Variants in TMEM215 observed in about 807,000 individuals in gnomAD.
TMEM215 encodes transmembrane protein 215.
Under a neutral mutation model 14.7 loss-of-function variants are expected in TMEM215, and 12 were observed. The observed-to-expected ratio is 0.82, with a 90% confidence interval of 0.52 to 1.33. TMEM215 has a LOEUF of 1.33. Ranked by LOEUF, TMEM215 falls within the 40% of genes most tolerant of loss-of-function variation. The probability of loss-of-function intolerance (pLI) is 0.00; values close to 1 mark genes in which losing one functional copy is unlikely to be tolerated. For synonymous variants in TMEM215, 122 were observed against 124.8 expected (o/e 0.98, Z 0.15); for missense variants, 276 against 296.2 (o/e 0.93, Z 0.50).
chr9:32,784,881 C>A lies in TMEM215; in HGVS notation c.698C>A (p.Thr233Asn), dbSNP rs1300522134. 15 of 1,611,196 alleles carry A rather than the reference C, an allele frequency of 9.3e-6. No homozygotes were observed. The highest frequency in any genetic ancestry group is 1.3e-5 in the Non-Finnish European group (15 of 1,178,842). The change falls in exon 2 of 2, where the codon ACC (threonine) becomes AAC (asparagine). Residue 233 changes from threonine (T) to asparagine (N), a missense_variant. Coordinates refer to ENST00000342743, the MANE Select transcript of TMEM215 (RefSeq NM_212558.3). ...NQIQGRWDHE[T>N]IV Reference sequence around the variant, plus strand: ...ATACAAGGCAGGTGGGACCACGAGACCATCGTCTAATCTCTGCCTACAAAG... The same window carrying A: ...ATACAAGGCAGGTGGGACCACGAGAACATCGTCTAATCTCTGCCTACAAAG...
In TMEM215 at chr9:32,785,268, C is replaced by T. The variant is rs1824495125; in HGVS notation, c.*377C>T. 5.2e-6 allele frequency: 1 copy of T among 190,510 alleles called. No individual in the cohort carries two copies. The highest frequency in any genetic ancestry group is 1.7e-4 in the South Asian group (1 of 6,014). 11.8% of individuals were successfully genotyped at this position (190,510 alleles called of 1,614,324 possible). A position where few individuals can be genotyped will look rare whatever the true frequency, so the allele number is the denominator to read the frequency against. ...GGCATCAAATGATGCATGAGCTGACCACAGGGAAACTGAGCTGCTTTATGT... is the reference window on the plus strand; with the variant it reads ...GGCATCAAATGATGCATGAGCTGACTACAGGGAAACTGAGCTGCTTTATGT... On this transcript the variant is annotated 3_prime_UTR_variant, in exon 2 of 2. Transcript: ENST00000342743.
intron 1 of TMEM215, 105 bp from the exon 2 acceptor site, chr9:32,784,021 G>A (rs1824470943): frequency 3.1e-6 from 2 of 642,424 alleles, no homozygotes; most frequent in Admixed American, 2.9e-5. Flanking sequence ...AAGACTGAAA[G>A]TCAAGAAGCA....
In TMEM215 at chr9:32,784,658, T is replaced by A; in HGVS notation, c.475T>A (p.Ser159Thr). The A allele has an allele frequency of 6.2e-7, 1 of 1,613,890 alleles. No homozygotes were observed. The highest frequency in any genetic ancestry group is 2.2e-5 in the East Asian group (1 of 44,846). The part of the protein sequence containing the change: ...LVQNGHQEET[S>T]RYLDGYCPSG... ...CCAGAATGGGCATCAGGAGGAGACG[T>A]CCAGATACCTGGACGGCTACTGCCC... The change falls in exon 2 of 2, where the codon TCC becomes ACC. Residue 159 changes from serine to threonine, a missense_variant. By Grantham distance (58) the Ser-to-Thr change is moderately conservative. Transcript: ENST00000342743.
chr9:32,784,804 C>T lies in TMEM215; in HGVS notation c.621C>T (p.Cys207=), dbSNP rs376431173. ...FFVPQDSIIV[C]SYKQNSPYDR... ...TGCCCCAGGACAGTATCATCGTTTG[C>T]TCCTACAAGCAGAACAGCCCGTATG... Residue 207 remains cysteine, a synonymous_variant, in exon 2 of 2, where the codon TGC becomes TGT. Coordinates refer to ENST00000342743, the MANE Select transcript of TMEM215 (RefSeq NM_212558.3). 6.2e-7 allele frequency: 1 copy of T among 1,613,668 alleles called. No homozygotes were observed. The highest frequency in any genetic ancestry group is 8.5e-7 in the Non-Finnish European group (1 of 1,180,030).
intron 1 of TMEM215, 55 bp from the exon 2 acceptor site, chr9:32,784,071 G>C: frequency 3.1e-6 from 3 of 960,492 alleles, no homozygotes; most frequent in Non-Finnish European, 4.7e-6. Flanking sequence ...AGAGTTGATG[G>C]GTGGGAGCTT....
Position 32,785,120 on chromosome 9 carries a change from G to T in TMEM215, c.*229G>T. Reference sequence around the variant, plus strand: ...ACTGGAAGAGGCAGTGGGTAGGAAAGGAAGCTACTCCAGTTGCTTCTTAAC... The same window carrying T: ...ACTGGAAGAGGCAGTGGGTAGGAAATGAAGCTACTCCAGTTGCTTCTTAAC... On this transcript the variant is annotated 3_prime_UTR_variant, in exon 2 of 2. Coordinates refer to ENST00000342743, the MANE Select transcript of TMEM215 (RefSeq NM_212558.3). 1.9e-6 allele frequency: 1 copy of T among 522,194 alleles called. No individual in the cohort carries two copies. The highest frequency in any genetic ancestry group is 1.9e-5 in the African/African-American group (1 of 52,238). The allele number at this position is 522,194 out of a possible 1,614,324, so 32.3% of individuals were successfully genotyped here. A position where few individuals can be genotyped will look rare whatever the true frequency, so the allele number is the denominator to read the frequency against.
rs1440593986 is a variant in TMEM215 at position 32,786,781 on chromosome 9, A to G, written c.*1890A>G. 1.2e-5 allele frequency: 2 copies of G among 167,038 alleles called. No homozygotes were observed. The highest frequency in any genetic ancestry group is 6.5e-5 in the Admixed American group (1 of 15,286). The allele number at this position is 167,038 out of a possible 1,614,324, so 10.3% of individuals were successfully genotyped here. On this transcript the variant is annotated 3_prime_UTR_variant, in exon 2 of 2. Coordinates refer to ENST00000342743, the MANE Select transcript of TMEM215 (RefSeq NM_212558.3). Reference sequence around the variant, plus strand: ...ACAATGCATTCCTGAGAATAAAATGAACATAATCAGAGTAAAATATTTTTG... The same window carrying G: ...ACAATGCATTCCTGAGAATAAAATGGACATAATCAGAGTAAAATATTTTTG...
chr9:32,784,128 T>G lies in TMEM215; in HGVS notation c.-56T>G. 1 of 1,523,488 alleles carries G rather than the reference T, an allele frequency of 6.6e-7. No individual in the cohort carries two copies. Among genetic ancestry groups the G allele is most frequent in the Non-Finnish European group, 8.9e-7 (1 of 1,123,764 alleles). The allele number at this position is 1,523,488 out of a possible 1,614,324, so 94.4% of individuals were successfully genotyped here. On this transcript the variant is annotated splice_region_variant and 5_prime_UTR_variant, in exon 2 of 2. Transcript: ENST00000342743. ...CACTGTGGTTTCATCTCTGACAGAA[T>G]AGAGGAACGCTGCTCCCTGGTCAGC...
chr9:32,784,074 G>C (rs1268060854), intron 1 of TMEM215, 52 bp from the exon 2 acceptor site: 2 of 1,006,624 alleles, frequency 2.0e-6, no homozygotes, highest in Non-Finnish European at 2.9e-6. Flanking sequence ...GTTGATGGGT[G>C]GGAGCTTGAC....
chr9:32,785,028 A>T lies in TMEM215; in HGVS notation c.*137A>T. 1 of 710,058 alleles carries T rather than the reference A, an allele frequency of 1.4e-6. No individual in the cohort carries two copies. Among genetic ancestry groups the T allele is most frequent in the Non-Finnish European group, 2.4e-6 (1 of 419,126 alleles). 44.0% of individuals were successfully genotyped at this position (710,058 alleles called of 1,614,324 possible). A position where few individuals can be genotyped will look rare whatever the true frequency, so the allele number is the denominator to read the frequency against. On this transcript the variant is annotated 3_prime_UTR_variant, in exon 2 of 2. Coordinates refer to ENST00000342743, the MANE Select transcript of TMEM215 (RefSeq NM_212558.3). The stretch of plus-strand genomic sequence containing the variant: ...TGTGATGGGTGTGATAACCTCTGGT[A>T]CCCGAGAGTCATGTAAATAGGCATG...
At position 32,784,837 on chromosome 9, in the gene TMEM215, CTGT is replaced by C. The variant is rs1295372438; in HGVS notation, c.659_661del (p.Cys220del). 2 of 1,613,306 alleles carry C rather than the reference CTGT, an allele frequency of 1.2e-6. No individual in the cohort carries two copies. The stretch of plus-strand genomic sequence containing the variant: ...AGCAGAACAGCCCGTATGACAGATA[CTGT>C]TGTTATATCAATCAGATACAAGGCA... On this transcript the variant is annotated inframe_deletion, in exon 2 of 2. Transcript: ENST00000342743.
chr9:32,784,359 T>C lies in TMEM215; in HGVS notation c.176T>C (p.Leu59Pro). The C allele has an allele frequency of 6.2e-7, 1 of 1,614,200 alleles. No individual in the cohort carries two copies. Among genetic ancestry groups the C allele is most frequent in the Non-Finnish European group, 8.5e-7 (1 of 1,180,034 alleles). ...CTACCAGGCATCGCAGCCATTGCCC[T>C]GGCCAGGAAAACCGAGGGATGCACC... ...ICLPGIAAIA[L>P]ARKTEGCTKW... The change falls in exon 2 of 2, where the codon CTG (leucine) becomes CCG (proline). Residue 59 changes from leucine to proline, a missense_variant. Leu to Pro is a moderately conservative substitution (Grantham distance 98). Transcript: ENST00000342743.
rs1326651275 is a variant in TMEM215, at chr9:32,788,852, G to A, written c.*3961G>A. ...GAACATTTCCCCAGCTAAGATACCA[G>A]TGGTGTGTTTCTCACAATTAGATTA... On this transcript the variant is annotated 3_prime_UTR_variant, in exon 2 of 2. Coordinates refer to ENST00000342743, the MANE Select transcript of TMEM215 (RefSeq NM_212558.3). Among the ~76,000 whole-genome samples the A allele has an allele frequency of 2.6e-5, 4 of 152,210 alleles. No homozygotes were observed. The highest frequency in any genetic ancestry group is 5.9e-5 in the Non-Finnish European group (4 of 68,038).
In TMEM215 at chr9:32,784,837, C is replaced by T; in HGVS notation, c.654C>T (p.Tyr218=). 2 of 1,613,306 alleles carry T rather than the reference C, an allele frequency of 1.2e-6. No homozygotes were observed. Among genetic ancestry groups the T allele is most frequent in the Non-Finnish European group, 1.7e-6 (2 of 1,180,032 alleles). ...AGCAGAACAGCCCGTATGACAGATA[C>T]TGTTGTTATATCAATCAGATACAAG... ...SYKQNSPYDR[Y]CCYINQIQGR... Residue 218 remains tyrosine, a synonymous_variant, in exon 2 of 2, where the codon TAC becomes TAT. Coordinates refer to ENST00000342743, the MANE Select transcript of TMEM215 (RefSeq NM_212558.3).
rs1392786575 is a variant in TMEM215 at position 32,789,164 on chromosome 9, T to C, written c.*4273T>C. On this transcript the variant is annotated 3_prime_UTR_variant, in exon 2 of 2. Coordinates refer to ENST00000342743, the MANE Select transcript of TMEM215 (RefSeq NM_212558.3). ...TGGAAATGGGGACAAATGCTTGGTT[T>C]GCCCAAATATCTTAATAAAAGACTA... 6.6e-6 allele frequency among the ~76,000 whole-genome samples: 1 copy of C among 152,210 alleles called. No individual in the cohort carries two copies. Among genetic ancestry groups the C allele is most frequent in the Admixed American group, 6.5e-5 (1 of 15,280 alleles).
chr9:32,788,129 G>T lies in TMEM215; in HGVS notation c.*3238G>T, dbSNP rs1056068912. ...CTTAATATCCACTGAGATGACAAATGTAGGAAAGGAAGATTCATTCTGTTA... is the reference window on the plus strand; with the variant it reads ...CTTAATATCCACTGAGATGACAAATTTAGGAAAGGAAGATTCATTCTGTTA... On this transcript the variant is annotated 3_prime_UTR_variant, in exon 2 of 2. Transcript: ENST00000342743. Among the ~76,000 whole-genome samples, 1 of 152,186 alleles carries T rather than the reference G, an allele frequency of 6.6e-6. No homozygotes were observed. The highest frequency in any genetic ancestry group is 2.4e-5 in the African/African-American group (1 of 41,446).
In TMEM215 at chr9:32,784,453, G is replaced by A; in HGVS notation, c.270G>A (p.Glu90=). 1 of 1,614,162 alleles carries A rather than the reference G, an allele frequency of 6.2e-7. No homozygotes were observed. Among genetic ancestry groups the A allele is most frequent in the Non-Finnish European group, 8.5e-7 (1 of 1,180,034 alleles). ...LPCFRKPKDK[E]VVELLRTPSD... is the part of the protein sequence containing the mutation. ...GCTTCCGGAAACCCAAAGACAAGGA[G>A]GTGGTAGAGCTGCTGAGGACCCCTT... The change falls in exon 2 of 2, where the codon GAG becomes GAA. Residue 90 remains glutamate, a synonymous_variant. Coordinates refer to ENST00000342743, the MANE Select transcript of TMEM215 (RefSeq NM_212558.3).
In TMEM215 at chr9:32,787,771, T is replaced by G. The variant is rs1299997891; in HGVS notation, c.*2880T>G. 6.6e-6 allele frequency among the ~76,000 whole-genome samples: 1 copy of G among 152,126 alleles called. No individual in the cohort carries two copies. Among genetic ancestry groups the G allele is most frequent in the Non-Finnish European group, 1.5e-5 (1 of 67,972 alleles). On this transcript the variant is annotated 3_prime_UTR_variant, in exon 2 of 2. Transcript: ENST00000342743. The stretch of plus-strand genomic sequence containing the variant: ...TCAAGAGCTCCTAGACAGATATAAA[T>G]TTAAGTAGACATTACTTTATTTTGC...
At position 32,785,351 on chromosome 9, in the gene TMEM215, TA is replaced by T. The variant is rs1824496010; in HGVS notation, c.*464del. ...TTATATAAAGTAATTTTTGCCTGGT[TA>T]AAAGCTTATCACACTTGGTATTTGC... is the stretch of plus-strand genomic sequence containing the variant. On this transcript the variant is annotated 3_prime_UTR_variant, in exon 2 of 2. Transcript: ENST00000342743. 1 of 169,676 alleles carries T rather than the reference TA, an allele frequency of 5.9e-6. No individual in the cohort carries two copies. The allele number at this position is 169,676 out of a possible 1,614,324, so 10.5% of individuals were successfully genotyped here.
Sources: gnomAD v4.1 joint callset for allele counts (sites outside exome capture counted in the v4.1 genomes callset) on GRCh38, gnomAD v4.1.1 for gene constraint, MANE v1.5 for transcripts, NCBI Gene and HGNC (gene_info 2026-07-23, HGNC 2026-07-21) for gene names.